The following CCDC80 variants were observed in gnomAD, a reference collection of about 807,000 sequenced individuals.
The protein encoded by CCDC80 is coiled-coil domain containing 80.
CCDC80 carries 49 observed loss-of-function variants against 78.7 expected under a neutral mutation model. The observed-to-expected ratio is 0.62, with a 90% CI of 0.50 to 0.79. CCDC80 has a LOEUF of 0.79. Among genes scored for constraint, CCDC80 ranks in the 30% least tolerant of loss-of-function variants. The pLI is 0.00. For synonymous variants in CCDC80, 488 were observed against 447.0 expected (o/e 1.09, Z -1.16); for missense variants, 1,205 against 1,198.6 (o/e 1.01, Z -0.08).
intron 3 of CCDC80, among the ~76,000 whole-genome samples, chr3:112,620,974 C>A (rs1426631253): frequency 1.3e-5 from 2 of 152,122 alleles, no homozygotes; most frequent in Non-Finnish European, 2.9e-5. Context: ...TACTTAGAAC[C>A]AGAATTAGAC....
rs139281040 is a variant in CCDC80 at position 112,638,717 on chromosome 3, G to A, written c.1189C>T (p.Pro397Ser). 2.5e-4 allele frequency: 396 copies of A among 1,614,000 alleles called. No homozygotes were observed. The African/African-American group carries it at 4.8e-3, about 20-fold the overall frequency. ...GCAGTGATCACCTCAGTGGTTGTAG[G>A]GGGCCTGTGGGAGGGTGAGGGGGTC... Reference protein sequence around the residue: ...PWTPSPSHRPPTTTEVITARR... With the variant: ...PWTPSPSHRPSTTTEVITARR... Residue 397 changes from proline to serine, a missense_variant, in exon 2 of 8, where the codon CCT becomes TCT. Coordinates refer to ENST00000206423, the MANE Select transcript of CCDC80 (RefSeq NM_199511.3).
rs771072496 is a variant in CCDC80, at chr3:112,638,158, C to T, written c.1748G>A (p.Ser583Asn). The T allele has an allele frequency of 1.3e-4, 217 of 1,613,732 alleles. No individual in the cohort carries two copies. Among genetic ancestry groups the T allele is most frequent in the Non-Finnish European group, 1.7e-4 (204 of 1,179,842 alleles). Residue 583 changes from serine (S) to asparagine (N), a missense_variant, in exon 2 of 8, where the codon AGC (serine) becomes AAC (asparagine). By Grantham distance (46) the Ser-to-Asn change is conservative. Transcript: ENST00000206423. The stretch of plus-strand genomic sequence containing the variant: ...TGTTTTACCTCCTTTTTTCTTCTTG[C>T]TCTTCTCTTTCTCTTGCTTGCTCTT... ...EKKSKQEKEK[S>N]KKKKGGKTEQ...
chr3:112,629,027 T>C (rs1936038540), intron 3 of CCDC80, among the ~76,000 whole-genome samples: 1 of 152,166 alleles, frequency 6.6e-6, no homozygotes, highest in African/African-American at 2.4e-5. Flanking sequence ...TTTAGAAGGC[T>C]AGACCATATT....
intron 5 of CCDC80, among the ~76,000 whole-genome samples, chr3:112,613,687 G>A (rs1048266694): frequency 1.2e-4 from 19 of 152,066 alleles, no homozygotes; most frequent in South Asian, 2.1e-4. Flanking sequence ...CCAGTCTCAC[G>A]ACAGATCTCT....
At chr3:112,609,685 A>G (rs887186568) in intron 6 of CCDC80, among the ~76,000 whole-genome samples, 8 of 152,106 alleles carry the variant, frequency 5.3e-5, no homozygotes, top group Non-Finnish European at 7.4e-5. Flanking sequence ...ATTTAAAAAA[A>G]AACTGAAGAT....
chr3:112,622,499 C>A (rs1015266063), intron 3 of CCDC80, among the ~76,000 whole-genome samples: 3 of 152,182 alleles, frequency 2.0e-5, no homozygotes, highest in African/African-American at 7.2e-5. Context: ...GCTCTGCATT[C>A]TATCTAAATC....
chr3:112,616,395 T>C (rs1935743829), intron 5 of CCDC80, among the ~76,000 whole-genome samples: 1 of 148,978 alleles, frequency 6.7e-6, no homozygotes, highest in Admixed American at 6.8e-5. Flanking sequence ...ATTAACTTTC[T>C]TGGGAGGTCA....
At position 112,639,712 on chromosome 3, in the gene CCDC80, G is replaced by A. The variant is rs760359684; in HGVS notation, c.194C>T (p.Thr65Ile). ...TGRSRGIERS[T>I]LEEPNLQPLQ... The stretch of plus-strand genomic sequence containing the variant: ...AGGCTGAAGGTTTGGTTCCTCCAGA[G>A]TGGATCTCTCAATTCCGCGAGACCT... The change falls in exon 2 of 8, where the codon ACT (threonine) becomes ATT (isoleucine). Residue 65 changes from threonine (T) to isoleucine (I), a missense_variant. Thr to Ile is a moderately conservative substitution (Grantham distance 89). Coordinates refer to ENST00000206423, the MANE Select transcript of CCDC80 (RefSeq NM_199511.3). 1.2e-6 allele frequency: 2 copies of A among 1,614,180 alleles called. No homozygotes were observed. The highest frequency in any genetic ancestry group is 1.1e-5 in the South Asian group (1 of 91,076).
chr3:112,639,672 C>T lies in CCDC80; in HGVS notation c.234G>A (p.Arg78=). 1 of 1,614,128 alleles carries T rather than the reference C, an allele frequency of 6.2e-7. No homozygotes were observed. Among genetic ancestry groups the T allele is most frequent in the Non-Finnish European group, 8.5e-7 (1 of 1,179,996 alleles). The part of the protein sequence containing the change: ...EPNLQPLQRR[R]SVPVLRLARP... Reference sequence around the variant, plus strand: ...GAGCTAGTCTCAACACGGGCACACTCCTCCTTCTCTGGAGAGGCTGAAGGT... The same window carrying T: ...GAGCTAGTCTCAACACGGGCACACTTCTCCTTCTCTGGAGAGGCTGAAGGT... Residue 78 remains arginine (R), a synonymous_variant, in exon 2 of 8, where the codon AGG becomes AGA. Transcript: ENST00000206423.
At chr3:112,618,451 T>C (rs1319068599) in intron 4 of CCDC80, among the ~76,000 whole-genome samples, 3 of 151,712 alleles carry the variant, frequency 2.0e-5, no homozygotes, top group East Asian at 1.9e-4. Context: ...GGCGTGAACC[T>C]GGGGGGTGGA....
Position 112,640,542 on chromosome 3 carries a change from C to CT in CCDC80, c.-228dup, listed in dbSNP as rs1423244399. The CT allele has an allele frequency of 6.5e-6, 1 of 152,880 alleles. No individual in the cohort carries two copies. Among genetic ancestry groups the CT allele is most frequent in the Non-Finnish European group, 1.5e-5 (1 of 68,550 alleles). The allele number at this position is 152,880 out of a possible 1,614,324, so 9.5% of individuals were successfully genotyped here. A position where few individuals can be genotyped will look rare whatever the true frequency, so the allele number is the denominator to read the frequency against. On this transcript the variant is annotated 5_prime_UTR_variant, in exon 1 of 8. Transcript: ENST00000206423. Reference sequence around the variant, plus strand: ...TCTGAGAGCTGAGCCGATGCCTTTTCTTTCTGGCTGTGTCTTTTTACCTTC... The same window carrying CT: ...TCTGAGAGCTGAGCCGATGCCTTTTCTTTTCTGGCTGTGTCTTTTTACCTTC...
At chr3:112,632,706 G>A (rs1936121956) in intron 2 of CCDC80, among the ~76,000 whole-genome samples, 1 of 152,106 alleles carries the variant, frequency 6.6e-6, no homozygotes, top group Admixed American at 6.6e-5. Flanking sequence ...ATACCCAGTG[G>A]GAATCTCATT....
chr3:112,638,591 A>G lies in CCDC80; in HGVS notation c.1315T>C (p.Leu439=). Residue 439 remains leucine (L), a synonymous_variant, in exon 2 of 8, where the codon TTG becomes CTG. Coordinates refer to ENST00000206423, the MANE Select transcript of CCDC80 (RefSeq NM_199511.3). The part of the protein sequence containing the change: ...TTRRPSKATS[L]ESFTNAPPTT... ...GGAGGGGCATTTGTGAAGCTCTCCA[A>G]GCTGGTGGCCTTGCTGGGCCTCCTG... The G allele has an allele frequency of 1.2e-6, 2 of 1,613,692 alleles. No individual in the cohort carries two copies. Among genetic ancestry groups the G allele is most frequent in the South Asian group, 2.2e-5 (2 of 91,030 alleles).
At chr3:112,617,175 T>G (rs962760919) in intron 4 of CCDC80, among the ~76,000 whole-genome samples, 2 of 152,154 alleles carry the variant, frequency 1.3e-5, no homozygotes, top group African/African-American at 4.8e-5. Context: ...CTGGTTCTTA[T>G]TTACTAACAA....
chr3:112,622,687 G>A (rs11918463), intron 3 of CCDC80, among the ~76,000 whole-genome samples: 1,643 of 152,094 alleles, frequency 0.011, 27 homozygotes, highest in African/African-American at 0.037. Flanking sequence ...ATGGAGTCTT[G>A]CTCTGTCACC....
intron 5 of CCDC80, among the ~76,000 whole-genome samples, chr3:112,610,692 TTATTAATAAGCGCCAATGCTTAC>T (rs920118278): frequency 9.0e-6 from 1 of 111,618 alleles, no homozygotes; most frequent in African/African-American, 8.5e-5. Context: ...ATGTACCCTA[TTATTAATAAGCGCCAATGCTTAC>T]AAAGTACTTC....
rs1358535306 is a variant in CCDC80 at position 112,603,606 on chromosome 3, T to C, written c.*1811A>G. ...AATGATCAGTTCCAGACCACTATAA[T>C]ATATATATATATAGCTGTTCACTGA... On this transcript the variant is annotated 3_prime_UTR_variant, in exon 8 of 8. Coordinates refer to ENST00000206423, the MANE Select transcript of CCDC80 (RefSeq NM_199511.3). 6.8e-6 allele frequency: 1 copy of C among 147,590 alleles called. No homozygotes were observed. The highest frequency in any genetic ancestry group is 6.8e-5 in the Admixed American group (1 of 14,698). 9.1% of individuals were successfully genotyped at this position (147,590 alleles called of 1,614,324 possible).
intron 1 of CCDC80, 109 bp from the exon 2 acceptor site, chr3:112,640,025 G>C (rs929179753): frequency 2.4e-4 from 340 of 1,446,144 alleles, no homozygotes; most frequent in Admixed American, 2.7e-4. Context: ...CTCAGCCAAG[G>C]GGAGGGGAAA....
intron 2 of CCDC80, among the ~76,000 whole-genome samples, chr3:112,636,726 G>C (rs1936215335): frequency 6.6e-6 from 1 of 152,094 alleles, no homozygotes; most frequent in African/African-American, 2.4e-5. Context: ...TCTTTTGGTG[G>C]GGGAAATGCA....
Sources: allele counts gnomAD v4.1 joint callset (sites outside exome capture counted in the v4.1 genomes callset), GRCh38; gene constraint gnomAD v4.1.1; transcripts MANE v1.5; gene names NCBI Gene and HGNC (gene_info 2026-07-23, HGNC 2026-07-21).